Variants in SGCZ observed in about 807,000 individuals in gnomAD.
The protein encoded by SGCZ is sarcoglycan zeta.
In SGCZ, 40 loss-of-function variants were observed where a neutral mutation model predicts 41.3. That is an observed-to-expected ratio of 0.97 (90% CI 0.75 to 1.26). The LOEUF (loss-of-function observed/expected upper bound fraction) is 1.26. SGCZ is among the 50% of genes most tolerant of loss of function. The probability of loss-of-function intolerance (pLI) is 0.00; values close to 1 mark genes in which losing one functional copy is unlikely to be tolerated. For missense variants in SGCZ, 552 were observed against 369.8 expected (o/e 1.49, Z -4.04); for synonymous variants, 206 against 137.5 (o/e 1.50, Z -3.49).
At chr8:14,649,729 C>G (rs1807336365) in intron 1 of SGCZ, among the ~76,000 whole-genome samples, 1 of 152,030 alleles carries the variant, frequency 6.6e-6, no homozygotes, top group South Asian at 2.1e-4. Flanking sequence ...AACCTGTCTA[C>G]CACCTGAAAC....
chr8:14,816,635 G>A (rs186010688), intron 1 of SGCZ, among the ~76,000 whole-genome samples: 14 of 149,636 alleles, frequency 9.4e-5, no homozygotes, highest in African/African-American at 3.5e-4. Flanking sequence ...TTCAGTTGTT[G>A]GACTCTGAGG....
intron 1 of SGCZ, among the ~76,000 whole-genome samples, chr8:15,009,393 C>A (rs545421149): frequency 2.8e-5 from 1 of 35,786 alleles, no homozygotes; most frequent in South Asian, 1.1e-3. Context: ...CCAGGCCCCA[C>A]CTCCAACGTT....
At chr8:14,093,788 G>A (rs577685767) in intron 7 of SGCZ, among the ~76,000 whole-genome samples, 49 of 152,100 alleles carry the variant, frequency 3.2e-4, no homozygotes, top group African/African-American at 1.1e-3. Context: ...TCACCTCCTT[G>A]GAAATAACTT....
chr8:15,001,728 C>CAAAA (rs1223307583), intron 1 of SGCZ, among the ~76,000 whole-genome samples: 6 of 81,018 alleles, frequency 7.4e-5, no homozygotes, highest in South Asian at 4.6e-4. Context: ...GACTCCGTCT[C>CAAAA]AAAAAAAAAA....
intron 2 of SGCZ, among the ~76,000 whole-genome samples, chr8:14,325,415 A>T (rs1802057752): frequency 6.6e-6 from 1 of 150,792 alleles, no homozygotes; most frequent in South Asian, 2.1e-4. Context: ...ATCCCAAAGC[A>T]AATTTAGCTT....
At chr8:14,115,619 C>G (rs1288131331) in intron 5 of SGCZ, among the ~76,000 whole-genome samples, 1 of 151,966 alleles carries the variant, frequency 6.6e-6, no homozygotes, top group Admixed American at 6.6e-5. Context: ...ATAGCTGATA[C>G]TAGTCTTGGC....
intron 1 of SGCZ, among the ~76,000 whole-genome samples, chr8:14,681,182 A>G (rs1808434940): frequency 6.6e-6 from 1 of 152,112 alleles, no homozygotes; most frequent in Non-Finnish European, 1.5e-5. Flanking sequence ...ACTAAAATAT[A>G]TCACAATTTC....
At chr8:14,710,630 A>C (rs953035662) in intron 1 of SGCZ, among the ~76,000 whole-genome samples, 2 of 152,030 alleles carry the variant, frequency 1.3e-5, no homozygotes, top group Non-Finnish European at 2.9e-5. Context: ...TTTACGAAAA[A>C]ATGTCTTTCA....
chr8:14,209,539 G>C lies in SGCZ; in HGVS notation c.424+28053C>G, dbSNP rs1373064110. 4.0e-5 allele frequency among the ~76,000 whole-genome samples: 6 copies of C among 151,796 alleles called. 1 individual carries two copies. Among genetic ancestry groups the C allele is most frequent in the Admixed American group, 3.9e-4 (6 of 15,244 alleles). ...CATAAGAAGTGCTTAATAATTTACAGAATAACCAAATAATGGAATATATGG... is the reference window on the plus strand; with the variant it reads ...CATAAGAAGTGCTTAATAATTTACACAATAACCAAATAATGGAATATATGG... On this transcript the variant is annotated intron_variant, in intron 4 of 7. Transcript: ENST00000382080.
In SGCZ at chr8:14,566,905, AG is replaced by A. The variant is rs527554532; in HGVS notation, c.40-11980del. Among the ~76,000 whole-genome samples, 110 of 152,238 alleles carry A rather than the reference AG, an allele frequency of 7.2e-4. 2 individuals carry two copies. The South Asian group carries it at 0.021, about 29-fold the overall frequency. On this transcript the variant is annotated intron_variant, in intron 1 of 7. Coordinates refer to ENST00000382080, the MANE Select transcript of SGCZ (RefSeq NM_139167.4). ...CCAGGTGGGCGGCTGTGGGCTCGGC[AG>A]GCCCCACACTCAGAGCGGCCGGCTG...
intron 2 of SGCZ, among the ~76,000 whole-genome samples, chr8:14,463,811 GT>G (rs1800971074): frequency 6.6e-6 from 1 of 151,464 alleles, no homozygotes; most frequent in Non-Finnish European, 1.5e-5. Context: ...AGTTTTTTGA[GT>G]TTTTTATTAT....
intron 1 of SGCZ, among the ~76,000 whole-genome samples, chr8:15,030,570 A>G (rs1226678110): frequency 6.6e-6 from 1 of 152,188 alleles, no homozygotes; most frequent in Non-Finnish European, 1.5e-5. Flanking sequence ...CAGAAAAAAA[A>G]TGTTCTATGT....
intron 5 of SGCZ, among the ~76,000 whole-genome samples, chr8:14,119,584 T>C (rs1176659642): frequency 6.6e-6 from 1 of 152,180 alleles, no homozygotes; most frequent in Non-Finnish European, 1.5e-5. Flanking sequence ...GGCCAGAACT[T>C]CCAATACTAT....
At chr8:14,675,843 G>A (rs1000689384) in intron 1 of SGCZ, among the ~76,000 whole-genome samples, 4 of 152,158 alleles carry the variant, frequency 2.6e-5, no homozygotes, top group African/African-American at 9.7e-5. Context: ...AAACTGCTGT[G>A]CAGATTTGGG....
At chr8:14,504,734 C>G (rs536777253) in intron 2 of SGCZ, among the ~76,000 whole-genome samples, 4 of 152,108 alleles carry the variant, frequency 2.6e-5, no homozygotes, top group African/African-American at 9.7e-5. Context: ...TCTCTTACTT[C>G]TTTATGGCAC....
chr8:14,701,778 C>A lies in SGCZ; in HGVS notation c.40-146852G>T, dbSNP rs541320442. The stretch of plus-strand genomic sequence containing the variant: ...TGACCTCTTACCAAACCCCCTGCCT[C>A]CTTCCTACTAACATGTGACCTCTAT... On this transcript the variant is annotated intron_variant, in intron 1 of 7. Coordinates refer to ENST00000382080, the MANE Select transcript of SGCZ (RefSeq NM_139167.4). Among the ~76,000 whole-genome samples the A allele has an allele frequency of 3.2e-4, 49 of 151,964 alleles. 1 individual carries two copies. The South Asian group carries it at 0.01, about 32-fold the overall frequency.
At chr8:14,295,217 T>G (rs1356105919) in intron 3 of SGCZ, among the ~76,000 whole-genome samples, 1 of 152,168 alleles carries the variant, frequency 6.6e-6, no homozygotes, top group Non-Finnish European at 1.5e-5. Flanking sequence ...TAGGAAACTC[T>G]TTATAGTCAA....
chr8:14,522,697 T>A (rs553286528), intron 2 of SGCZ, among the ~76,000 whole-genome samples: 2 of 151,688 alleles, frequency 1.3e-5, no homozygotes, highest in Non-Finnish European at 2.9e-5. Flanking sequence ...TTTTTTCTTA[T>A]TTTTTTCCAT....
At chr8:14,193,231 C>T (rs1357271801) in intron 4 of SGCZ, among the ~76,000 whole-genome samples, 1 of 151,834 alleles carries the variant, frequency 6.6e-6, no homozygotes, top group Non-Finnish European at 1.5e-5. Context: ...CTACCTTTTC[C>T]ACTACATGGA....
Sources: gnomAD v4.1 joint callset for allele counts (sites outside exome capture counted in the v4.1 genomes callset) on GRCh38, gnomAD v4.1.1 for gene constraint, MANE v1.5 for transcripts, NCBI Gene and HGNC (gene_info 2026-07-23, HGNC 2026-07-21) for gene names.